GAS2: variants seen among roughly 807,000 people sequenced by gnomAD.
GAS2 encodes growth arrest-specific protein 2.
A neutral mutation model predicts 37.5 loss-of-function variants in GAS2; 20 were observed. The ratio of observed to expected loss-of-function variants is 0.53; its 90% CI spans 0.37 to 0.77. The LOEUF is 0.77. Among genes scored for constraint, GAS2 ranks in the 30% least tolerant of loss-of-function variants. The pLI is 0.00. For synonymous variants in GAS2, 144 were observed against 132.2 expected, an observed-to-expected ratio of 1.09 and a Z score of -0.61; for missense variants, 336 against 373.4, an observed-to-expected ratio of 0.90 and a Z score of 0.82.
At chr11:22,703,928 G>A (rs1489934534) in intron 3 of GAS2, among the ~76,000 whole-genome samples, 1 of 152,038 alleles carries the variant, frequency 6.6e-6, no homozygotes, top group African/African-American at 2.4e-5. Context: ...CAGATGCCTC[G>A]CTAGCATTGC....
At chr11:22,725,194 A>G (rs1385301530) in intron 3 of GAS2, among the ~76,000 whole-genome samples, 2 of 152,078 alleles carry the variant, frequency 1.3e-5, no homozygotes, top group African/African-American at 2.4e-5. Context: ...AACACTTGGT[A>G]TGGTTCCAAG....
At chr11:22,787,420 A>G (rs1258685840) in intron 7 of GAS2, among the ~76,000 whole-genome samples, 1 of 152,202 alleles carries the variant, frequency 6.6e-6, no homozygotes, top group Non-Finnish European at 1.5e-5. Flanking sequence ...ATAACATACA[A>G]TTATATGCGA....
Position 22,726,326 on chromosome 11 carries a change from G to A in GAS2, c.302G>A (p.Ser101Asn). Residue 101 changes from serine (S) to asparagine (N), a missense_variant, in exon 4 of 8, where the codon AGT (serine) becomes AAT (asparagine). Ser to Asn is a conservative substitution (Grantham distance 46). Coordinates refer to ENST00000454584, the MANE Select transcript of GAS2 (RefSeq NM_001143830.3). ...TTGAAGAAGATCCCATGCAAAACCA[G>A]TGCACCCTCGGGCTCCTTTTTTGCC... ...LPLKKIPCKT[S>N]APSGSFFARD... is the part of the protein sequence containing the mutation. 6.2e-7 allele frequency: 1 copy of A among 1,611,276 alleles called. No individual in the cohort carries two copies. Among genetic ancestry groups the A allele is most frequent in the Non-Finnish European group, 8.5e-7 (1 of 1,179,084 alleles).
chr11:22,798,882 A>T (rs1455483509), intron 7 of GAS2, among the ~76,000 whole-genome samples: 4 of 152,096 alleles, frequency 2.6e-5, no homozygotes, highest in African/African-American at 9.7e-5. Flanking sequence ...AGATAGCTGA[A>T]TTCCCAATCA....
At chr11:22,736,515 A>G (rs1308164061) in intron 4 of GAS2, among the ~76,000 whole-genome samples, 3 of 152,000 alleles carry the variant, frequency 2.0e-5, no homozygotes, top group African/African-American at 7.2e-5. Context: ...CTTAAAACCA[A>G]ATGAAATCAC....
At position 22,793,300 on chromosome 11, in the gene GAS2, A is replaced by G. The variant is rs552401753; in HGVS notation, c.724-18498A>G. 5.3e-4 allele frequency among the ~76,000 whole-genome samples: 80 copies of G among 152,282 alleles called. No individual in the cohort carries two copies. In the South Asian group the frequency reaches 9.5e-3, roughly 18 times the overall value. On this transcript the variant is annotated intron_variant, in intron 7 of 7. Coordinates refer to ENST00000454584, the MANE Select transcript of GAS2 (RefSeq NM_001143830.3). ...AAAAAAAATAAATAAATTAAAAATT[A>G]AAAAAATTTTAAAAAGAACATAATT...
At chr11:22,763,788 A>G (rs1854528665) in intron 7 of GAS2, among the ~76,000 whole-genome samples, 1 of 152,208 alleles carries the variant, frequency 6.6e-6, no homozygotes, top group Non-Finnish European at 1.5e-5. Context: ...TCAGACATTT[A>G]TAGTGCTCTA....
Position 22,734,266 on chromosome 11 carries a change from G to C in GAS2, c.410-3439G>C, listed in dbSNP as rs141539207. Among the ~76,000 whole-genome samples the C allele has an allele frequency of 7.4e-3, 1,122 of 151,842 alleles. 22 individuals are homozygous for C. The highest frequency in any genetic ancestry group is 0.026 in the African/African-American group (1,064 of 41,514). ...TTCAAAAACTGACATATGTCCTAAT[G>C]CAATTGTTACTTGAACTTTGTACTT... On this transcript the variant is annotated intron_variant, in intron 4 of 7. Transcript: ENST00000454584.
intron 7 of GAS2, among the ~76,000 whole-genome samples, chr11:22,762,690 A>G (rs182499170): frequency 1.3e-5 from 2 of 152,314 alleles, no homozygotes; most frequent in East Asian, 3.9e-4. Context: ...ATAAAGATAT[A>G]TATTTGCCTG....
chr11:22,706,581 G>A (rs1463095917), intron 3 of GAS2, among the ~76,000 whole-genome samples: 30 of 151,886 alleles, frequency 2.0e-4, no homozygotes, highest in Admixed American at 1.1e-3. Context: ...GAGAATATGC[G>A]GTGTTTGGTT....
chr11:22,699,163 T>C (rs967892691), intron 3 of GAS2, among the ~76,000 whole-genome samples: 1 of 152,160 alleles, frequency 6.6e-6, no homozygotes, highest in Admixed American at 6.6e-5. Flanking sequence ...TTCTGAGTCC[T>C]GACAACTTAA....
intron 3 of GAS2, among the ~76,000 whole-genome samples, chr11:22,695,990 G>A (rs566985001): frequency 6.6e-6 from 1 of 151,684 alleles, no homozygotes; most frequent in Admixed American, 6.6e-5. Flanking sequence ...TGTGCACATT[G>A]TGCAGGTTAG....
intron 7 of GAS2, among the ~76,000 whole-genome samples, chr11:22,797,582 T>C (rs1856490331): frequency 6.6e-6 from 1 of 152,126 alleles, no homozygotes; most frequent in South Asian, 2.1e-4. Flanking sequence ...ATCAGAAGAC[T>C]AGTGCACTGT....
intron 7 of GAS2, among the ~76,000 whole-genome samples, chr11:22,772,163 C>T (rs1855012383): frequency 6.6e-6 from 1 of 152,064 alleles, no homozygotes; most frequent in Non-Finnish European, 1.5e-5. Flanking sequence ...ACTTATGAAG[C>T]AAGTTACTTG....
chr11:22,716,792 G>A (rs1851702265), intron 3 of GAS2, among the ~76,000 whole-genome samples: 1 of 152,126 alleles, frequency 6.6e-6, no homozygotes, highest in Non-Finnish European at 1.5e-5. Context: ...AATGAATTCA[G>A]TAAAGTTTTA....
At chr11:22,674,520 A>G (rs2133886905) in intron 1 of GAS2, among the ~76,000 whole-genome samples, 1 of 152,354 alleles carries the variant, frequency 6.6e-6, no homozygotes, top group Admixed American at 6.5e-5. Flanking sequence ...CAAATTGGGC[A>G]CTAACATTTT....
chr11:22,786,316 T>A (rs7101469), intron 7 of GAS2, among the ~76,000 whole-genome samples: 56,322 of 151,982 alleles, frequency 0.37, 10,585 homozygotes, highest in Non-Finnish European at 0.38. Context: ...CAGATAGAAA[T>A]ACTGGTAAAA....
intron 1 of GAS2, 176 bp downstream of exon 1, chr11:22,667,075 A>G (rs1017278970): frequency 5.9e-5 from 9 of 152,286 alleles, no homozygotes; most frequent in African/African-American, 2.2e-4. Flanking sequence ...AGCCGCGGAC[A>G]GTTGGACAGG....
upstream of GAS2, among the ~76,000 whole-genome samples, chr11:22,664,009 ATT>A (rs982303487): frequency 1.2e-4 from 19 of 152,124 alleles, 1 homozygote; most frequent in African/African-American, 4.6e-4. Flanking sequence ...GTCTTCATGT[ATT>A]TTTTAATACC....
Sources: allele counts gnomAD v4.1 joint callset (sites outside exome capture counted in the v4.1 genomes callset), GRCh38; gene constraint gnomAD v4.1.1; transcripts MANE v1.5; gene names NCBI Gene and HGNC (gene_info 2026-07-23, HGNC 2026-07-21).